The following SLC8A1 variants were observed in gnomAD, a reference collection of about 807,000 sequenced individuals.
SLC8A1 encodes the protein sodium/calcium exchanger 1.
Under a neutral mutation model 68.3 loss-of-function variants are expected in SLC8A1, and 18 were observed. The ratio of observed to expected loss-of-function variants is 0.26; its 90% CI spans 0.18 to 0.39. SLC8A1 has a LOEUF of 0.39. Among genes scored for constraint, SLC8A1 ranks in the 10% least tolerant of loss-of-function variants. The probability of loss-of-function intolerance (pLI) is 1.00; values close to 1 mark genes in which losing one functional copy is unlikely to be tolerated. For synonymous variants in SLC8A1, 475 were observed against 415.5 expected, an observed-to-expected ratio of 1.14 and a Z score of -1.74; for missense variants, 985 against 1,156.7, an observed-to-expected ratio of 0.85 and a Z score of 2.15.
chr2:40,348,475 T>C (rs983671586), intron 2 of SLC8A1, among the ~76,000 whole-genome samples: 2 of 152,214 alleles, frequency 1.3e-5, no homozygotes, highest in African/African-American at 4.8e-5. Flanking sequence ...GCTTTTTTTC[T>C]GAACTCTGGT....
intron 7 of SLC8A1, among the ~76,000 whole-genome samples, chr2:40,133,309 G>T (rs929642): frequency 0.6 from 90,362 of 151,110 alleles, 27,505 homozygotes; most frequent in East Asian, 0.8. Context: ...TTCAGAAGTC[G>T]AAAAGTGTTG....
intron 2 of SLC8A1, among the ~76,000 whole-genome samples, chr2:40,366,682 G>A (rs1676303658): frequency 6.6e-6 from 1 of 151,728 alleles, no homozygotes; most frequent in Admixed American, 6.6e-5. Flanking sequence ...GTCTTTTTCT[G>A]GCCCTTTAAC....
intron 2 of SLC8A1, among the ~76,000 whole-genome samples, chr2:40,353,136 G>C (rs1205714512): frequency 1.3e-5 from 2 of 152,102 alleles, no homozygotes; most frequent in Non-Finnish European, 2.9e-5. Context: ...GGAATCAAAG[G>C]GGTAAATTGT....
intron 1 of SLC8A1, among the ~76,000 whole-genome samples, chr2:40,491,018 T>TA (rs1705281009): frequency 1.3e-5 from 2 of 152,114 alleles, no homozygotes; most frequent in South Asian, 4.1e-4. Context: ...GTAAGAATGT[T>TA]AAAACCAACA....
At chr2:40,240,399 G>A (rs984803079) in intron 2 of SLC8A1, among the ~76,000 whole-genome samples, 2 of 152,128 alleles carry the variant, frequency 1.3e-5, no homozygotes, top group African/African-American at 2.4e-5. Context: ...TCTCGGCTGA[G>A]CTTTTGGCAC....
At chr2:40,412,780 A>C (rs1692560320) in intron 2 of SLC8A1, among the ~76,000 whole-genome samples, 1 of 152,210 alleles carries the variant, frequency 6.6e-6, no homozygotes, top group Non-Finnish European at 1.5e-5. Flanking sequence ...AACTAGGAAG[A>C]CACCAACCTC....
intron 7 of SLC8A1, among the ~76,000 whole-genome samples, chr2:40,126,922 A>C (rs767926994): frequency 1.3e-5 from 2 of 152,218 alleles, no homozygotes; most frequent in Non-Finnish European, 2.9e-5. Context: ...GGGCTCCTTA[A>C]GTATCTGAGA....
chr2:40,238,490 CTGTGCCCACTGTCT>C (rs2060749070), intron 2 of SLC8A1, among the ~76,000 whole-genome samples: 1 of 152,122 alleles, frequency 6.6e-6, no homozygotes, highest in African/African-American at 2.4e-5. Context: ...ACCCACTGAC[CTGTGCCCACTGTCT>C]GGCACTCCCT....
At chr2:40,452,276 C>G (rs1702657474), upstream of SLC8A1, among the ~76,000 whole-genome samples, 1 of 151,348 alleles carries the variant, frequency 6.6e-6, no homozygotes, top group Non-Finnish European at 1.5e-5. Context: ...GGGCCCCCTG[C>G]GCGCCCCTTG....
At chr2:40,191,258 G>A (rs2051772238) in intron 2 of SLC8A1, among the ~76,000 whole-genome samples, 1 of 152,152 alleles carries the variant, frequency 6.6e-6, no homozygotes, top group Non-Finnish European at 1.5e-5. Context: ...CCCACTAACT[G>A]TGGACTCTCA....
rs147248745 is a variant in SLC8A1 at position 40,427,161 on chromosome 2, A to G, written c.1808+1312T>C. Among the ~76,000 whole-genome samples the G allele has an allele frequency of 6.5e-3, 996 of 152,158 alleles. 14 individuals are homozygous for G. Among genetic ancestry groups the G allele is most frequent in the African/African-American group, 0.023 (945 of 41,542 alleles). ...CCCTGCTTTGCTTGATTTCATTGTG[A>G]TATTGTACTCGACACTACTTATCAC... On this transcript the variant is annotated intron_variant, in intron 2 of 7. Transcript: ENST00000406785.
Position 40,104,676 on chromosome 2 carries a change from T to G in SLC8A1, c.*10577A>C, listed in dbSNP as rs56050821. ...TTTCTTAAATTACTCTGTTTTGAAT[T>G]CTTTATATACCATTTAGGGTACCTA... is the stretch of plus-strand genomic sequence containing the variant. On this transcript the variant is annotated 3_prime_UTR_variant, in exon 8 of 8. Transcript: ENST00000406785. 874 of 152,272 alleles carry G rather than the reference T, an allele frequency of 5.7e-3. 9 individuals carry two copies. Among genetic ancestry groups the G allele is most frequent in the African/African-American group, 0.02 (817 of 41,550 alleles). 9.4% of individuals were successfully genotyped at this position (152,272 alleles called of 1,614,324 possible).
At chr2:40,489,314 G>A (rs1559766024) in intron 1 of SLC8A1, among the ~76,000 whole-genome samples, 1 of 151,964 alleles carries the variant, frequency 6.6e-6, no homozygotes, top group African/African-American at 2.4e-5. Flanking sequence ...GGGATTACAC[G>A]AGCCCCGTAA....
At chr2:40,268,269 C>T (rs187301755) in intron 2 of SLC8A1, among the ~76,000 whole-genome samples, 104 of 152,170 alleles carry the variant, frequency 6.8e-4, no homozygotes, top group African/African-American at 2.3e-3. Context: ...CCAGGTGATT[C>T]CTGGTCCCTA....
chr2:40,138,230 A>G (rs1227087851), intron 7 of SLC8A1, among the ~76,000 whole-genome samples: 1 of 152,206 alleles, frequency 6.6e-6, no homozygotes, highest in Non-Finnish European at 1.5e-5. Flanking sequence ...AAGAAGAATA[A>G]CTGGTGAATT....
chr2:40,387,625 A>T (rs1683976434), intron 2 of SLC8A1, among the ~76,000 whole-genome samples: 1 of 151,358 alleles, frequency 6.6e-6, no homozygotes, highest in South Asian at 2.1e-4. Flanking sequence ...AACTAGACTT[A>T]TCAGGAGGAT....
intron 5 of SLC8A1, among the ~76,000 whole-genome samples, chr2:40,162,086 C>T (rs2045788237): frequency 6.6e-6 from 1 of 152,224 alleles, no homozygotes; most frequent in African/African-American, 2.4e-5. Flanking sequence ...CCATCTCCAA[C>T]TGGCTCACTC....
chr2:40,433,705 C>T (rs1698828811), intron 1 of SLC8A1, among the ~76,000 whole-genome samples: 1 of 152,122 alleles, frequency 6.6e-6, no homozygotes, highest in African/African-American at 2.4e-5. Context: ...ACAGTAAACT[C>T]CTCAACTAAG....
At chr2:40,283,032 T>C (rs898589240) in intron 2 of SLC8A1, among the ~76,000 whole-genome samples, 2 of 152,212 alleles carry the variant, frequency 1.3e-5, no homozygotes, top group African/African-American at 4.8e-5. Context: ...AAAAAAGCAT[T>C]TATTCTTTAT....
Sources: gnomAD v4.1 joint callset for allele counts (sites outside exome capture counted in the v4.1 genomes callset) on GRCh38, gnomAD v4.1.1 for gene constraint, MANE v1.5 for transcripts, NCBI Gene and HGNC (gene_info 2026-07-23, HGNC 2026-07-21) for gene names.